The following VXN variants were observed in gnomAD, a reference collection of about 807,000 sequenced individuals.
The protein encoded by VXN is vexin.
In VXN, 7 loss-of-function variants were observed where a neutral mutation model predicts 23.1. The observed-to-expected ratio is 0.30, with a 90% CI of 0.17 to 0.57. The LOEUF is 0.57. Among genes scored for constraint, VXN ranks in the 20% least tolerant of loss-of-function variants. The pLI, the probability that VXN is intolerant of heterozygous loss-of-function variation, is 0.91. For synonymous variants in VXN, 120 were observed against 105.8 expected (o/e 1.13, Z -0.83); for missense variants, 238 against 272.6 (o/e 0.87, Z 0.89).
intron 2 of VXN, among the ~76,000 whole-genome samples, chr8:66,500,781 G>A (rs76924766): frequency 0.054 from 8,173 of 151,422 alleles, 556 homozygotes; most frequent in African/African-American, 0.15. Context: ...GGCATGTAGT[G>A]TATAGTTTTC....
rs532780103 is a variant in VXN at position 66,517,736 on chromosome 8, T to C, written c.*1660T>C. The stretch of plus-strand genomic sequence containing the variant: ...GTTTAAATTAATCTAGCCCACTTAA[T>C]AAAACCAGAGATCCTATGGGAAATT... On this transcript the variant is annotated 3_prime_UTR_variant, in exon 6 of 6. Transcript: ENST00000305454. The C allele has an allele frequency of 6.6e-5, 10 of 152,364 alleles. No individual in the cohort carries two copies. The highest frequency in any genetic ancestry group is 2.4e-4 in the African/African-American group (10 of 41,586). The allele number at this position is 152,364 out of a possible 1,614,324, so 9.4% of individuals were successfully genotyped here.
intron 2 of VXN, among the ~76,000 whole-genome samples, chr8:66,501,848 AC>A (rs1395345438): frequency 6.6e-6 from 1 of 152,042 alleles, no homozygotes; most frequent in Non-Finnish European, 1.5e-5. Context: ...CAACCAACTG[AC>A]CCTTGGCTTC....
chr8:66,499,306 C>T (rs1397001714), intron 2 of VXN, among the ~76,000 whole-genome samples: 2 of 148,250 alleles, frequency 1.3e-5, no homozygotes, highest in East Asian at 4.0e-4. Flanking sequence ...GGTCTCGGCT[C>T]ACCACAGTCT....
rs549681041 is a variant in VXN, at chr8:66,516,164, C to A, written c.*88C>A. 4.9e-6 allele frequency: 6 copies of A among 1,226,866 alleles called. No homozygotes were observed. The South Asian group carries it at 7.8e-5, about 16-fold the overall frequency. 76.0% of individuals were successfully genotyped at this position (1,226,866 alleles called of 1,614,324 possible). On this transcript the variant is annotated 3_prime_UTR_variant, in exon 6 of 6. Coordinates refer to ENST00000305454, the MANE Select transcript of VXN (RefSeq NM_152765.4). ...AGGATTGAAACTGAGCCACACGCAC[C>A]TCTGCTAGTAGCTGGTCCAAACCCA...
chr8:66,508,751 T>C (rs975273312), intron 3 of VXN, among the ~76,000 whole-genome samples: 3 of 152,194 alleles, frequency 2.0e-5, no homozygotes, highest in Admixed American at 6.5e-5. Flanking sequence ...ATAACTGTTA[T>C]GTATCTCTAA....
intron 3 of VXN, among the ~76,000 whole-genome samples, chr8:66,506,900 GT>G (rs993089730): frequency 5.3e-5 from 5 of 94,544 alleles, no homozygotes; most frequent in African/African-American, 2.1e-4. Context: ...TTTTCTCTGT[GT>G]CTATATATAG....
Position 66,505,270 on chromosome 8 carries a change from A to G in VXN, c.127-105A>G, listed in dbSNP as rs112476221. 3,962 of 1,426,226 alleles carry G rather than the reference A, an allele frequency of 2.8e-3. 79 individuals are homozygous for G. The African/African-American group carries it at 0.042, about 15-fold the overall frequency. The allele number at this position is 1,426,226 out of a possible 1,614,324, so 88.3% of individuals were successfully genotyped here. On this transcript the variant is annotated intron_variant, in intron 2 of 5. Transcript: ENST00000305454. ...CACTGGAATCACGAAGGATCCAGAA[A>G]CTCCCTCGATGCGAGCTCCATCTGC...
At position 66,515,938 on chromosome 8, in the gene VXN, C is replaced by G; in HGVS notation, c.486C>G (p.Pro162=). Residue 162 remains proline (P), a synonymous_variant, in exon 6 of 6, where the codon CCC becomes CCG. Coordinates refer to ENST00000305454, the MANE Select transcript of VXN (RefSeq NM_152765.4). ...KKMTEEYPAL[P]QGAEASLPLT... ...TGACTGAAGAGTATCCAGCCCTTCCCCAAGGAGCAGAAGCCTCTCTACCAC... is the reference window on the plus strand; with the variant it reads ...TGACTGAAGAGTATCCAGCCCTTCCGCAAGGAGCAGAAGCCTCTCTACCAC... 1.9e-6 allele frequency: 3 copies of G among 1,613,342 alleles called. No homozygotes were observed. Among genetic ancestry groups the G allele is most frequent in the Non-Finnish European group, 2.5e-6 (3 of 1,179,702 alleles).
Position 66,510,035 on chromosome 8 carries a change from G to C in VXN, c.281-61G>C. ...TGGCTAACAAGGTAATTGATGCAGG[G>C]CCAGTGGGAGGCAGAACACAGAGTA... On this transcript the variant is annotated intron_variant, in intron 3 of 5. Coordinates refer to ENST00000305454, the MANE Select transcript of VXN (RefSeq NM_152765.4). 6 of 1,459,468 alleles carry C rather than the reference G, an allele frequency of 4.1e-6. No individual in the cohort carries two copies. The South Asian group carries it at 6.8e-5, about 17-fold the overall frequency. The allele number at this position is 1,459,468 out of a possible 1,614,324, so 90.4% of individuals were successfully genotyped here.
At chr8:66,503,269 T>C (rs1160631327) in intron 2 of VXN, 1 of 152,264 alleles carries the variant, frequency 6.6e-6, no homozygotes, top group Non-Finnish European at 1.5e-5. Flanking sequence ...ACATGGCCTC[T>C]CTTGGCCTCA....
chr8:66,496,589 C>A, intron 2 of VXN, 97 bp downstream of exon 2: 1 of 1,159,048 alleles, frequency 8.6e-7, no homozygotes, highest in Non-Finnish European at 1.3e-6. Context: ...TCTCAGTGGC[C>A]AGGAGGGTTT....
intron 4 of VXN, among the ~76,000 whole-genome samples, chr8:66,510,733 C>T (rs1173304292): frequency 1.3e-5 from 2 of 152,184 alleles, no homozygotes; most frequent in Non-Finnish European, 2.9e-5. Flanking sequence ...CACCTTCTCA[C>T]TGTGGGTTCA....
In VXN at chr8:66,505,600, C is replaced by T. The variant is rs148033818; in HGVS notation, c.280+72C>T. 719 of 1,414,434 alleles carry T rather than the reference C, an allele frequency of 5.1e-4. 9 individuals carry two copies. In the East Asian group the frequency reaches 0.018, roughly 35 times the overall value. 87.6% of individuals were successfully genotyped at this position (1,414,434 alleles called of 1,614,324 possible). On this transcript the variant is annotated intron_variant, in intron 3 of 5. Transcript: ENST00000305454. ...GACCCACTCAGAGCCACCACAAGCC[C>T]AGGTCAGGGCAGCGTTGGCGGTGGC... is the stretch of plus-strand genomic sequence containing the variant.
At chr8:66,513,986 A>C in intron 5 of VXN, 1 of 210,732 alleles carries the variant, frequency 4.7e-6, no homozygotes, top group Non-Finnish European at 9.3e-6. Flanking sequence ...GAAATATCTC[A>C]TGAGTAAGTT....
rs1307827137 is a variant in VXN, at chr8:66,501,532, T to C, written c.127-3843T>C. 2.0e-5 allele frequency among the ~76,000 whole-genome samples: 3 copies of C among 152,194 alleles called. No individual in the cohort carries two copies. The East Asian group carries it at 5.8e-4, about 29-fold the overall frequency. On this transcript the variant is annotated intron_variant, in intron 2 of 5. Transcript: ENST00000305454. ...GGTTGTCTGTGGGTAATTTGGAGTT[T>C]AAGAAAGTTTCACCACAGATCTTTC...
At chr8:66,497,073 C>T (rs575793501) in intron 2 of VXN, among the ~76,000 whole-genome samples, 67 of 152,140 alleles carry the variant, frequency 4.4e-4, no homozygotes, top group African/African-American at 1.4e-3. Context: ...TTAGTAGAGA[C>T]GGGGTTTCAC....
chr8:66,508,223 G>A (rs901748221), intron 3 of VXN, among the ~76,000 whole-genome samples: 8 of 151,980 alleles, frequency 5.3e-5, no homozygotes, highest in African/African-American at 1.2e-4. Context: ...AAACACTGAC[G>A]GCATCCACTC....
At chr8:66,505,340 A>T in intron 2 of VXN, 35 bp from the exon 3 acceptor site, 1 of 1,566,440 alleles carries the variant, frequency 6.4e-7, no homozygotes, top group Non-Finnish European at 8.7e-7. Context: ...GCCCGAGCAG[A>T]GGAGTGGGCT....
intron 3 of VXN, among the ~76,000 whole-genome samples, chr8:66,506,733 T>C (rs1344465629): frequency 2.6e-5 from 4 of 152,192 alleles, no homozygotes; most frequent in Non-Finnish European, 5.9e-5. Context: ...ATTTCTTTGA[T>C]TGCTAAGAAC....
Sources: gnomAD v4.1 joint callset for allele counts (sites outside exome capture counted in the v4.1 genomes callset) on GRCh38, gnomAD v4.1.1 for gene constraint, MANE v1.5 for transcripts, NCBI Gene and HGNC (gene_info 2026-07-23, HGNC 2026-07-21) for gene names.